The following CFAP46 variants were observed in gnomAD, a reference collection of about 807,000 sequenced individuals.
The protein encoded by CFAP46 is cilia- and flagella-associated protein 46.
In CFAP46, 245 loss-of-function variants were observed where a neutral mutation model predicts 325.7. That is an observed-to-expected ratio of 0.75 (90% CI 0.68 to 0.84). The LOEUF (loss-of-function observed/expected upper bound fraction) is 0.84. Ranked by LOEUF, CFAP46 falls within the 40% of genes least tolerant of loss-of-function variation. CFAP46 has a pLI of 0.00. For missense variants in CFAP46, 3,346 were observed against 3,543.0 expected (o/e 0.94, Z 1.41); for synonymous variants, 1,523 against 1,495.9 (o/e 1.02, Z -0.42).
chr10:132,882,560 G>A (rs1379854035), intron 27 of CFAP46, among the ~76,000 whole-genome samples: 1 of 151,984 alleles, frequency 6.6e-6, no homozygotes, highest in Non-Finnish European at 1.5e-5. Flanking sequence ...GCTGGCCCCA[G>A]GGCGGGGCCA....
At position 132,917,457 on chromosome 10, in the gene CFAP46, G is replaced by C. The variant is rs973715682; in HGVS notation, c.1987-775C>G. ...TGCTGACTTTGGGCAGGGCGAGCCC[G>C]GGAGTCTCTGAGCCTGCGTGGGAGG... On this transcript the variant is annotated intron_variant, in intron 16 of 57. Transcript: ENST00000368586. Among the ~76,000 whole-genome samples, 3 of 152,244 alleles carry C rather than the reference G, an allele frequency of 2.0e-5. No individual in the cohort carries two copies. In the East Asian group the frequency reaches 5.8e-4, roughly 29 times the overall value.
At chr10:132,909,574 C>T (rs766702623) in intron 20 of CFAP46, among the ~76,000 whole-genome samples, 1 of 152,186 alleles carries the variant, frequency 6.6e-6, no homozygotes, top group Non-Finnish European at 1.5e-5. Flanking sequence ...CTCCCTGGGC[C>T]CCACTAGGGC....
chr10:132,880,705 C>T lies in CFAP46; in HGVS notation c.3799+156G>A, dbSNP rs4880461. Among the ~76,000 whole-genome samples, 16 of 60,572 alleles carry T rather than the reference C, an allele frequency of 2.6e-4. No homozygotes were observed. The South Asian group carries it at 5.3e-3, about 20-fold the overall frequency. The allele number at this position is 60,572 out of a possible 152,430, so 39.7% of individuals were successfully genotyped here. On this transcript the variant is annotated intron_variant, in intron 28 of 57. Coordinates refer to ENST00000368586, the MANE Select transcript of CFAP46 (RefSeq NM_001200049.3). ...GACAGCACTGAGACACGTCAGGGGC[C>T]CCTGCAGAGGACAGCGCTGAGACAC...
chr10:132,822,444 A>G lies in CFAP46; in HGVS notation c.7118-7530T>C, dbSNP rs1302581565. On this transcript the variant is annotated intron_variant, in intron 50 of 57. Coordinates refer to ENST00000368586, the MANE Select transcript of CFAP46 (RefSeq NM_001200049.3). ...GTGTGGTGATGTGTGCTGTGTGTGC[A>G]GTGATGTGTGCTGTGTGAGTGCTGA... Among the ~76,000 whole-genome samples, 252 of 86,776 alleles carry G rather than the reference A, an allele frequency of 2.9e-3. 4 individuals carry two copies. Among genetic ancestry groups the G allele is most frequent in the African/African-American group, 0.011 (235 of 21,938 alleles). The allele number at this position is 86,776 out of a possible 152,430, so 56.9% of individuals were successfully genotyped here. A position where few individuals can be genotyped will look rare whatever the true frequency, so the allele number is the denominator to read the frequency against.
chr10:132,908,398 G>A, intron 22 of CFAP46, 70 bp downstream of exon 22: 1 of 1,521,166 alleles, frequency 6.6e-7, no homozygotes, highest in Non-Finnish European at 8.9e-7. Context: ...TCCCTGATCT[G>A]TGATTGAGGC....
Position 132,942,007 on chromosome 10 carries a change from A to C in CFAP46, c.147T>G (p.Phe49Leu). The change falls in exon 2 of 58, where the codon TTT becomes TTG. Residue 49 changes from phenylalanine (F) to leucine (L), a missense_variant. Physicochemically the swap from Phe to Leu is conservative, Grantham distance 22. Transcript: ENST00000368586. ...TCAGGGCCTGCTCTGCACACAGAAC[A>C]AACAGGTCTGGGCTGAAGCTCTCTG... ...DPSESFSPDLFVLCAEQALKM... is the reference protein window; with the variant it reads ...DPSESFSPDLLVLCAEQALKM... The C allele has an allele frequency of 6.4e-7, 1 of 1,551,870 alleles. No individual in the cohort carries two copies. The highest frequency in any genetic ancestry group is 8.7e-7 in the Non-Finnish European group (1 of 1,147,046).
chr10:132,883,517 G>A (rs1006533808), intron 27 of CFAP46, among the ~76,000 whole-genome samples: 6 of 152,222 alleles, frequency 3.9e-5, no homozygotes, highest in African/African-American at 1.4e-4. Context: ...CCCTGCAGGC[G>A]GGAAGGCAAC....
chr10:132,812,721 T>G, intron 55 of CFAP46, 64 bp downstream of exon 55: 1 of 1,221,736 alleles, frequency 8.2e-7, no homozygotes, highest in Non-Finnish European at 1.2e-6. Context: ...GTGGCCCTGC[T>G]CTGCCCTCAG....
Position 132,817,264 on chromosome 10 carries a change from A to G in CFAP46, c.7118-2350T>C, listed in dbSNP as rs553722994. ...CTGGCTCTAAAGTCTGTTTCCTCTG[A>G]GAGTCAGACACCGGCCCTCCGGGTT... On this transcript the variant is annotated intron_variant, in intron 50 of 57. Transcript: ENST00000368586. This position sits in a 1 kb window ranked among gnomAD's most constrained non-coding sequence, Gnocchi z 4.4. Among the ~76,000 whole-genome samples the G allele has an allele frequency of 1.8e-4, 27 of 152,274 alleles. No individual in the cohort carries two copies. The East Asian group carries it at 4.8e-3, about 27-fold the overall frequency.
chr10:132,897,658 T>C (rs1489336639), intron 24 of CFAP46, among the ~76,000 whole-genome samples: 1 of 152,220 alleles, frequency 6.6e-6, no homozygotes, highest in Non-Finnish European at 1.5e-5. Context: ...GTTGGCAGGT[T>C]GGCAGGTCGG....
intron 50 of CFAP46, among the ~76,000 whole-genome samples, chr10:132,819,789 TAGAAGAAA>T: frequency 6.6e-6 from 1 of 152,194 alleles, no homozygotes; most frequent in Non-Finnish European, 1.5e-5. Flanking sequence ...ATAAAACTAC[TAGAAGAAA>T]ACACAGGATA....
chr10:132,924,641 C>T, intron 11 of CFAP46, 55 bp downstream of exon 11: 1 of 1,391,396 alleles, frequency 7.2e-7, no homozygotes, highest in South Asian at 1.6e-5. Context: ...CCTCCTCTGT[C>T]TCCTCCTATG....
Position 132,822,291 on chromosome 10 carries a change from CTGA to C in CFAP46, c.7118-7380_7118-7378del, listed in dbSNP as rs1437715898. ...TGTGTGCTGTGTGAGTGCTGGTGTG[CTGA>C]TGTGTGCACTGTGTGCTGTGTGTGT... On this transcript the variant is annotated intron_variant, in intron 50 of 57. Transcript: ENST00000368586. 6.4e-4 allele frequency among the ~76,000 whole-genome samples: 68 copies of C among 105,586 alleles called. 1 individual carries two copies. Among genetic ancestry groups the C allele is most frequent in the African/African-American group, 1.5e-3 (39 of 26,562 alleles). 69.3% of individuals were successfully genotyped at this position (105,586 alleles called of 152,430 possible).
At chr10:132,907,858 G>A (rs912042281) in intron 22 of CFAP46, among the ~76,000 whole-genome samples, 1 of 152,180 alleles carries the variant, frequency 6.6e-6, no homozygotes. Flanking sequence ...AGGACACAGC[G>A]GGAGGCGCCG....
rs61514134 is a variant in CFAP46 at position 132,880,217 on chromosome 10, C to T, written c.3800-586G>A. On this transcript the variant is annotated intron_variant, in intron 28 of 57. Transcript: ENST00000368586. The stretch of plus-strand genomic sequence containing the variant: ...GAGCCACCCCATGGGACTCTCCGTG[C>T]GCACCTGCGCTCCCCACAGAGTTTC... Among the ~76,000 whole-genome samples the T allele has an allele frequency of 3.2e-3, 488 of 152,338 alleles. 16 individuals are homozygous for T. In the East Asian group the frequency reaches 0.079, roughly 25 times the overall value.
At chr10:132,822,099 A>ATGTGT (rs1847859251) in intron 50 of CFAP46, among the ~76,000 whole-genome samples, 1 of 56,126 alleles carries the variant, frequency 1.8e-5, no homozygotes, top group Non-Finnish European at 3.4e-5. Flanking sequence ...GTGCTGTGTG[A>ATGTGT]GTGCTGATGT....
At chr10:132,838,746 G>C (rs987936270) in intron 44 of CFAP46, among the ~76,000 whole-genome samples, 2 of 152,246 alleles carry the variant, frequency 1.3e-5, no homozygotes, top group Non-Finnish European at 2.9e-5. Flanking sequence ...GCAGAGTCAG[G>C]TGCAGACTTG....
In CFAP46 at chr10:132,909,906, CA is replaced by C. The variant is rs1235623019; in HGVS notation, c.2649+12del. 7.0e-7 allele frequency: 1 copy of C among 1,433,598 alleles called. No homozygotes were observed. The highest frequency in any genetic ancestry group is 2.8e-5 in the Admixed American group (1 of 35,304). The allele number at this position is 1,433,598 out of a possible 1,614,324, so 88.8% of individuals were successfully genotyped here. A position where few individuals can be genotyped will look rare whatever the true frequency, so the allele number is the denominator to read the frequency against. ...GCCTCAGTCAGAGCCCAGATGTGGG[CA>C]GGGGCGCCCACCTGCTCCTCGGTGC... On this transcript the variant is annotated intron_variant, in intron 20 of 57. Transcript: ENST00000368586.
chr10:132,844,498 T>C (rs11146540), intron 44 of CFAP46, among the ~76,000 whole-genome samples: 23,842 of 152,168 alleles, frequency 0.16, 2,235 homozygotes, highest in African/African-American at 0.27. Context: ...CCTGCTGTGG[T>C]CTACGACATC....
Sources: allele counts gnomAD v4.1 joint callset (sites outside exome capture counted in the v4.1 genomes callset), GRCh38; gene constraint gnomAD v4.1.1; non-coding constraint Gnocchi (gnomAD v3.1); transcripts MANE v1.5; gene names NCBI Gene and HGNC (gene_info 2026-07-23, HGNC 2026-07-21).